The following TSPAN5 variants were observed in gnomAD, a reference collection of about 807,000 sequenced individuals.
TSPAN5 encodes the protein tetraspanin 5, also known as tetraspanin-5.
TSPAN5 carries 10 observed loss-of-function variants against 37.1 expected under a neutral mutation model. The observed-to-expected ratio is 0.27, with a 90% CI of 0.17 to 0.46. TSPAN5 has a LOEUF of 0.46. TSPAN5 is among the 20% of genes least tolerant of loss of function. The pLI is 1.00. For synonymous variants in TSPAN5, 110 were observed against 118.9 expected (o/e 0.93, Z 0.48); for missense variants, 195 against 326.6 (o/e 0.60, Z 3.11).
chr4:98,499,643 T>C lies in TSPAN5; in HGVS notation c.132+8035A>G, dbSNP rs115271572. Among the ~76,000 whole-genome samples, 998 of 151,548 alleles carry C rather than the reference T, an allele frequency of 6.6e-3. 12 individuals are homozygous for C. The highest frequency in any genetic ancestry group is 7.8e-3 in the Non-Finnish European group (533 of 67,962). ...GCTTCCAGGTACTGACCATGAGCTG[T>C]TTGGTTTCCAGCTCTTTTTTTTTTT... is the stretch of plus-strand genomic sequence containing the variant. On this transcript the variant is annotated intron_variant, in intron 2 of 7. Transcript: ENST00000305798.
intron 1 of TSPAN5, among the ~76,000 whole-genome samples, chr4:98,630,755 G>C (rs1383455035): frequency 6.6e-6 from 1 of 152,170 alleles, no homozygotes; most frequent in Non-Finnish European, 1.5e-5. Context: ...TATTTAGACA[G>C]CTATTTATTA....
At chr4:98,617,736 C>G (rs1347741675) in intron 1 of TSPAN5, among the ~76,000 whole-genome samples, 5 of 152,308 alleles carry the variant, frequency 3.3e-5, no homozygotes, top group African/African-American at 1.2e-4. Context: ...GTACCACACA[C>G]AATCACCTCA....
intron 1 of TSPAN5, among the ~76,000 whole-genome samples, chr4:98,559,143 A>G (rs2032330): frequency 6.9e-5 from 1 of 14,560 alleles, no homozygotes; most frequent in East Asian, 1.5e-3. Flanking sequence ...AAACAGTATT[A>G]CTAGACAGTA....
At position 98,472,400 on chromosome 4, in the gene TSPAN5, T is replaced by A; in HGVS notation, c.*122A>T. 1 of 740,066 alleles carries A rather than the reference T, an allele frequency of 1.4e-6. No individual in the cohort carries two copies. Among genetic ancestry groups the A allele is most frequent in the Non-Finnish European group, 2.2e-6 (1 of 449,536 alleles). 45.8% of individuals were successfully genotyped at this position (740,066 alleles called of 1,614,324 possible). A position where few individuals can be genotyped will look rare whatever the true frequency, so the allele number is the denominator to read the frequency against. ...TTACACTCCCCTAATGGCAGCTCCA[T>A]TAGGCGAGACTGCAGGCTGCATCTG... On this transcript the variant is annotated 3_prime_UTR_variant, in exon 8 of 8. Coordinates refer to ENST00000305798, the MANE Select transcript of TSPAN5 (RefSeq NM_005723.4).
Position 98,473,799 on chromosome 4 carries a change from T to G in TSPAN5, c.742-1212A>C, listed in dbSNP as rs576791719. Among the ~76,000 whole-genome samples, 3 of 152,260 alleles carry G rather than the reference T, an allele frequency of 2.0e-5. No individual in the cohort carries two copies. The South Asian group carries it at 6.2e-4, about 32-fold the overall frequency. ...GTTTGTTTGTTTGTTTTTTAATAAT[T>G]TAAGGGACTGGGTTTTGCTCTGTTG... On this transcript the variant is annotated intron_variant, in intron 7 of 7. Transcript: ENST00000305798.
chr4:98,548,225 A>G (rs552289899), intron 1 of TSPAN5, among the ~76,000 whole-genome samples: 1 of 152,236 alleles, frequency 6.6e-6, no homozygotes, highest in South Asian at 2.1e-4. Flanking sequence ...GTTCACTTAG[A>G]GAGTTAAGTG....
intron 1 of TSPAN5, among the ~76,000 whole-genome samples, chr4:98,521,446 T>C (rs1419969908): frequency 6.6e-6 from 1 of 152,152 alleles, no homozygotes; most frequent in Non-Finnish European, 1.5e-5. Flanking sequence ...CTGTAAGAAT[T>C]AGGGCTCAGG....
At chr4:98,538,825 C>T (rs1437504522) in intron 1 of TSPAN5, among the ~76,000 whole-genome samples, 1 of 152,168 alleles carries the variant, frequency 6.6e-6, no homozygotes, top group East Asian at 1.9e-4. Flanking sequence ...TTTCCTTTGA[C>T]TGTAGGTACT....
Position 98,472,339 on chromosome 4 carries a change from T to A in TSPAN5, c.*183A>T. 1 of 485,042 alleles carries A rather than the reference T, an allele frequency of 2.1e-6. No individual in the cohort carries two copies. Among genetic ancestry groups the A allele is most frequent in the South Asian group, 4.2e-5 (1 of 23,974 alleles). 30.0% of individuals were successfully genotyped at this position (485,042 alleles called of 1,614,324 possible). A position where few individuals can be genotyped will look rare whatever the true frequency, so the allele number is the denominator to read the frequency against. On this transcript the variant is annotated 3_prime_UTR_variant, in exon 8 of 8. Coordinates refer to ENST00000305798, the MANE Select transcript of TSPAN5 (RefSeq NM_005723.4). The stretch of plus-strand genomic sequence containing the variant: ...AACGACTTTCATACTGGTTATTTTT[T>A]TTTTTAATTCTGTCAGTGAGCAGCA...
chr4:98,621,009 T>C (rs1443224551), intron 1 of TSPAN5, among the ~76,000 whole-genome samples: 1 of 152,234 alleles, frequency 6.6e-6, no homozygotes, highest in Non-Finnish European at 1.5e-5. Flanking sequence ...ATTGCAGGTA[T>C]ACTTAATTAA....
At chr4:98,541,400 C>T (rs2110141506) in intron 1 of TSPAN5, among the ~76,000 whole-genome samples, 1 of 152,244 alleles carries the variant, frequency 6.6e-6, no homozygotes, top group East Asian at 1.9e-4. Flanking sequence ...ATAGGCTGGG[C>T]ATGGTGGCTC....
chr4:98,610,310 C>G (rs1377683821), intron 1 of TSPAN5, among the ~76,000 whole-genome samples: 1 of 152,172 alleles, frequency 6.6e-6, no homozygotes, highest in African/African-American at 2.4e-5. Context: ...GCCCTGATGA[C>G]CTAAACACCT....
intron 1 of TSPAN5, among the ~76,000 whole-genome samples, chr4:98,620,889 T>A (rs568437729): frequency 1.1e-4 from 17 of 152,212 alleles, no homozygotes; most frequent in African/African-American, 3.6e-4. Flanking sequence ...TAATTGAAAA[T>A]TCACGTAACA....
At chr4:98,603,087 C>T (rs913584277) in intron 1 of TSPAN5, among the ~76,000 whole-genome samples, 1 of 152,214 alleles carries the variant, frequency 6.6e-6, no homozygotes, top group African/African-American at 2.4e-5. Flanking sequence ...TTCTTTCCTT[C>T]TTCTATACCT....
intron 1 of TSPAN5, among the ~76,000 whole-genome samples, chr4:98,640,487 T>A (rs776726005): frequency 3.2e-4 from 49 of 152,090 alleles, no homozygotes; most frequent in Non-Finnish European, 6.0e-4. Context: ...ATCCCTGAGG[T>A]AAGACATAAG....
At chr4:98,547,989 G>C (rs1754507119) in intron 1 of TSPAN5, among the ~76,000 whole-genome samples, 2 of 142,436 alleles carry the variant, frequency 1.4e-5, no homozygotes, top group South Asian at 2.3e-4. Context: ...TCCAGCCTGG[G>C]CGACAGAGCG....
intron 1 of TSPAN5, 64 bp downstream of exon 1, chr4:98,658,082 T>A: frequency 2.1e-6 from 3 of 1,432,222 alleles, no homozygotes; most frequent in Non-Finnish European, 9.9e-7. Flanking sequence ...ACGAACAACG[T>A]GGGGGAAATC....
At chr4:98,492,135 ACAAT>A (rs1459844015) in intron 2 of TSPAN5, among the ~76,000 whole-genome samples, 1 of 152,124 alleles carries the variant, frequency 6.6e-6, no homozygotes, top group East Asian at 1.9e-4. Flanking sequence ...AAGATCTCAT[ACAAT>A]CCTGCTGGCC....
intron 2 of TSPAN5, among the ~76,000 whole-genome samples, chr4:98,498,639 A>T (rs1753270835): frequency 6.6e-6 from 1 of 152,048 alleles, no homozygotes; most frequent in African/African-American, 2.4e-5. Context: ...GTGCTGTGAC[A>T]CCACTGCCCA....
Sources: gnomAD v4.1 joint callset for allele counts (sites outside exome capture counted in the v4.1 genomes callset) on GRCh38, gnomAD v4.1.1 for gene constraint, MANE v1.5 for transcripts, NCBI Gene and HGNC (gene_info 2026-07-23, HGNC 2026-07-21) for gene names.